Variants in TMEM59 observed in about 807,000 individuals in gnomAD.
The protein encoded by TMEM59 is transmembrane protein 59, also known as dendritic cell factor 1.
A neutral mutation model predicts 42.2 loss-of-function variants in TMEM59; 44 were observed. The observed-to-expected ratio is 1.04, with a 90% CI of 0.82 to 1.34. The LOEUF (loss-of-function observed/expected upper bound fraction) is 1.34, where lower values mean the gene tolerates loss of function less well. TMEM59 is among the 40% of genes most tolerant of loss of function. The probability of loss-of-function intolerance (pLI) is 0.00; values close to 1 mark genes in which losing one functional copy is unlikely to be tolerated. For synonymous variants in TMEM59, 148 were observed against 145.8 expected (o/e 1.02, Z -0.11); for missense variants, 359 against 382.8 (o/e 0.94, Z 0.52).
chr1:54,053,168 G>A lies in TMEM59; in HGVS notation c.21C>T (p.Ser7=), dbSNP rs534829121. The stretch of plus-strand genomic sequence containing the variant: ...GCCCCAGTTGGGTCCTCACCCAGAG[G>A]CTCCCCTTCGGCGCCGCCATCTTGT... MAAPKG[S]LWVRTQLGLP... Residue 7 remains serine (S), a synonymous_variant, in exon 1 of 8, where the codon AGC becomes AGT. Transcript: ENST00000234831. 1 of 1,614,130 alleles carries A rather than the reference G, an allele frequency of 6.2e-7. No homozygotes were observed. Among genetic ancestry groups the A allele is most frequent in the East Asian group, 2.2e-5 (1 of 44,886 alleles).
rs1340741054 is a variant in TMEM59 at position 54,031,276 on chromosome 1, A to C, written c.*874T>G. On this transcript the variant is annotated 3_prime_UTR_variant, in exon 8 of 8. Transcript: ENST00000234831. ...CAAAAGATTCTGGTGTATTATTATT[A>C]TGACCTGATATCATTCTAATATTAA... 1 of 152,240 alleles carries C rather than the reference A, an allele frequency of 6.6e-6. No homozygotes were observed. Among genetic ancestry groups the C allele is most frequent in the Non-Finnish European group, 1.5e-5 (1 of 68,052 alleles). The allele number at this position is 152,240 out of a possible 1,614,324, so 9.4% of individuals were successfully genotyped here.
intron 6 of TMEM59, 29 bp from the exon 7 acceptor site, chr1:54,036,747 T>A: frequency 6.8e-7 from 1 of 1,477,308 alleles, no homozygotes. Context: ...CAATTAGTTA[T>A]ATTAAAATTT....
chr1:54,050,944 C>T (rs1446999222), intron 1 of TMEM59, among the ~76,000 whole-genome samples: 2 of 152,096 alleles, frequency 1.3e-5, no homozygotes. Context: ...CTGCGACCTG[C>T]GCCTCCCAGG....
chr1:54,038,981 C>CT (rs1441349412), intron 6 of TMEM59, among the ~76,000 whole-genome samples: 14 of 152,284 alleles, frequency 9.2e-5, no homozygotes, highest in African/African-American at 3.1e-4. Flanking sequence ...ACAACTGGGA[C>CT]TACAGGTGTG....
chr1:54,053,223 GCT>G, upstream of TMEM59: 1 of 1,606,854 alleles, frequency 6.2e-7, no homozygotes, highest in African/African-American at 1.3e-5. Flanking sequence ...TCAGCTTGTT[GCT>G]GTTTTCTCGG....
At chr1:54,049,383 T>C (rs1657452070) in intron 1 of TMEM59, among the ~76,000 whole-genome samples, 1 of 152,218 alleles carries the variant, frequency 6.6e-6, no homozygotes, top group Admixed American at 6.5e-5. Flanking sequence ...TACTATCTAA[T>C]AGACAGACAT....
rs1019382775 is a variant in TMEM59, at chr1:54,028,044, C to G, written c.*4106G>C. ...ATGATACCCAAATGCAAACATGACA[C>G]GCTTAGCAACTGGAAACCTGGTGGG... On this transcript the variant is annotated 3_prime_UTR_variant, in exon 8 of 8. Transcript: ENST00000234831. 7 of 152,210 alleles carry G rather than the reference C, an allele frequency of 4.6e-5. No homozygotes were observed. The highest frequency in any genetic ancestry group is 1.7e-4 in the African/African-American group (7 of 41,426). 9.4% of individuals were successfully genotyped at this position (152,210 alleles called of 1,614,324 possible).
At chr1:54,052,960 T>C in intron 1 of TMEM59, 40 bp downstream of exon 1, 1 of 1,574,440 alleles carries the variant, frequency 6.4e-7, no homozygotes, top group Non-Finnish European at 8.6e-7. Flanking sequence ...AGAAATGGGC[T>C]GCAAGGGAAG....
chr1:54,048,731 A>G, intron 1 of TMEM59: 1 of 396,094 alleles, frequency 2.5e-6, no homozygotes. Flanking sequence ...CCAATGAAAT[A>G]CAAGCTATGT....
At chr1:54,052,761 G>A (rs6662697) in intron 1 of TMEM59, among the ~76,000 whole-genome samples, 1 of 152,156 alleles carries the variant, frequency 6.6e-6, no homozygotes, top group Non-Finnish European at 1.5e-5. Context: ...GAAAGGGATC[G>A]CGTCTTTCTC....
Position 54,027,221 on chromosome 1 carries a change from A to G in TMEM59, c.*4929T>C, listed in dbSNP as rs1404717911. 6.6e-6 allele frequency: 1 copy of G among 152,240 alleles called. No homozygotes were observed. The highest frequency in any genetic ancestry group is 1.5e-5 in the Non-Finnish European group (1 of 68,044). The allele number at this position is 152,240 out of a possible 1,614,324, so 9.4% of individuals were successfully genotyped here. ...ATTTCAAGATATGAATTTGAATTAT[A>G]GTAATTTTAGAACCACCATGCAGTC... On this transcript the variant is annotated 3_prime_UTR_variant, in exon 8 of 8. Coordinates refer to ENST00000234831, the MANE Select transcript of TMEM59 (RefSeq NM_004872.5).
At chr1:54,034,813 C>T (rs905145703) in intron 7 of TMEM59, 1 of 152,056 alleles carries the variant, frequency 6.6e-6, no homozygotes, top group Non-Finnish European at 1.5e-5. Flanking sequence ...ATGGGTTGGA[C>T]GTGGATCTGA....
intron 1 of TMEM59, 120 bp from the exon 2 acceptor site, chr1:54,047,492 T>A: frequency 7.9e-6 from 6 of 763,514 alleles, no homozygotes; most frequent in African/African-American, 3.6e-5. Flanking sequence ...GTAAGTTTCA[T>A]AACTGAAAGA....
At chr1:54,052,291 T>C (rs570739116) in intron 1 of TMEM59, among the ~76,000 whole-genome samples, 1 of 152,136 alleles carries the variant, frequency 6.6e-6, no homozygotes, top group African/African-American at 2.4e-5. Flanking sequence ...CATTCCTCTC[T>C]GTAAGCTGCG....
chr1:54,033,440 A>C (rs949214314), intron 7 of TMEM59: 1 of 151,572 alleles, frequency 6.6e-6, no homozygotes, highest in Non-Finnish European at 1.5e-5. Context: ...GTCTCCACTA[A>C]AAATACAAAA....
rs185416506 is a variant in TMEM59 at position 54,036,798 on chromosome 1, C to T, written c.708-80G>A. The T allele has an allele frequency of 3.0e-4, 267 of 882,246 alleles. 1 individual carries two copies. In the East Asian group the frequency reaches 5.3e-3, roughly 18 times the overall value. The allele number at this position is 882,246 out of a possible 1,614,324, so 54.7% of individuals were successfully genotyped here. A position where few individuals can be genotyped will look rare whatever the true frequency, so the allele number is the denominator to read the frequency against. On this transcript the variant is annotated intron_variant, in intron 6 of 7. Transcript: ENST00000234831. ...ATTCTTAATTAGTCAACCTTATGTA[C>T]TTAGCTCAACAGTACAATTAAAACT... is the stretch of plus-strand genomic sequence containing the variant.
intron 7 of TMEM59, chr1:54,033,100 CTTTTTTCTTTCTTTCTTTT>C (rs1002160590): frequency 4.0e-5 from 6 of 148,722 alleles, no homozygotes; most frequent in Middle Eastern, 3.2e-3. Context: ...GCTAATTTTT[CTTTTTTCTTTCTTTCTTTT>C]TTTTTTCTTT....
chr1:54,043,247 GTAA>G, intron 4 of TMEM59, 123 bp downstream of exon 4: 2 of 860,920 alleles, frequency 2.3e-6, no homozygotes, highest in Non-Finnish European at 3.2e-6. Context: ...GGCCAAATAA[GTAA>G]TTATTATTTG....
intron 1 of TMEM59, among the ~76,000 whole-genome samples, chr1:54,051,773 T>C (rs1006077213): frequency 1.3e-5 from 2 of 152,228 alleles, no homozygotes; most frequent in African/African-American, 4.8e-5. Flanking sequence ...AGTCTGAAGT[T>C]AAAACTTCTC....
Sources: gnomAD v4.1 joint callset for allele counts (sites outside exome capture counted in the v4.1 genomes callset) on GRCh38, gnomAD v4.1.1 for gene constraint, MANE v1.5 for transcripts, NCBI Gene and HGNC (gene_info 2026-07-23, HGNC 2026-07-21) for gene names.